The following ERCC1 variants were observed in gnomAD, a reference collection of about 807,000 sequenced individuals.
ERCC1 encodes the protein ERCC excision repair 1, endonuclease non-catalytic subunit.
In ERCC1, 36 loss-of-function variants were observed where a neutral mutation model predicts 37.6. The observed-to-expected ratio is 0.96, with a 90% CI of 0.73 to 1.26. ERCC1 has a LOEUF of 1.26. Ranked by LOEUF, ERCC1 falls within the 50% of genes most tolerant of loss-of-function variation. The probability of loss-of-function intolerance (pLI) is 0.00; values close to 1 mark genes in which losing one functional copy is unlikely to be tolerated. For missense variants in ERCC1, 349 were observed against 376.5 expected, an observed-to-expected ratio of 0.93 and a Z score of 0.60; for synonymous variants, 156 against 162.1, an observed-to-expected ratio of 0.96 and a Z score of 0.28.
At chr19:45,446,464 A>T (rs1966945996) in intron 1 of ERCC1, among the ~76,000 whole-genome samples, 1 of 152,200 alleles carries the variant, frequency 6.6e-6, no homozygotes, top group Non-Finnish European at 1.5e-5. Flanking sequence ...CATAAAAGTT[A>T]ACATCCCTAT....
intron 1 of ERCC1, chr19:45,429,024 T>A (rs993008832): frequency 1.3e-5 from 2 of 152,238 alleles, no homozygotes; most frequent in South Asian, 4.1e-4. Context: ...TAGCCCCTAC[T>A]CCGCGTCCTC....
intron 1 of ERCC1, 199 bp from the exon 2 acceptor site, chr19:45,423,580 T>G: frequency 1.4e-6 from 2 of 1,414,176 alleles, no homozygotes; most frequent in South Asian, 3.0e-5. Context: ...CCCTTACAGG[T>G]CCACAAGTCC....
At chr19:45,433,520 C>T (rs1974889308) in intron 1 of ERCC1, among the ~76,000 whole-genome samples, 1 of 147,918 alleles carries the variant, frequency 6.8e-6, no homozygotes, top group African/African-American at 2.6e-5. Context: ...AGTGAGAGTC[C>T]ATCTCAAAAA....
chr19:45,446,386 A>T (rs1439273571), intron 1 of ERCC1, among the ~76,000 whole-genome samples: 1 of 152,336 alleles, frequency 6.6e-6, no homozygotes, highest in African/African-American at 2.4e-5. Flanking sequence ...GCTGACAAGC[A>T]CATTCATAGC....
In ERCC1 at chr19:45,414,870, G is replaced by C. The variant is rs121913028; in HGVS notation, c.693C>G (p.Phe231Leu). The change falls in exon 7 of 10, where the codon TTC becomes TTG. Residue 231 changes from phenylalanine (F) to leucine (L), a missense_variant. Transcript: ENST00000300853. ...GGTGAGGTGGCCTCACCCGGGAGAC[G>C]AAGTCCTGCTCTAGCTTCTCCATCA... ...DLLMEKLEQD[F>L]VSRVTECLTT... 1.6e-5 allele frequency: 26 copies of C among 1,612,822 alleles called. No homozygotes were observed. The highest frequency in any genetic ancestry group is 2.0e-5 in the Non-Finnish European group (23 of 1,179,070).
upstream of ERCC1, among the ~76,000 whole-genome samples, chr19:45,425,590 G>A (rs1050409240): frequency 3.3e-5 from 5 of 151,624 alleles, no homozygotes; most frequent in Admixed American, 6.6e-5. Flanking sequence ...TGCTGGTCTC[G>A]AACTCTTGAC....
intron 5 of ERCC1, 64 bp from the exon 6 acceptor site, chr19:45,416,961 G>A: frequency 8.2e-7 from 1 of 1,214,782 alleles, no homozygotes; most frequent in Non-Finnish European, 1.2e-6. Flanking sequence ...GCCAGGCGTG[G>A]TGGCAGGTGC....
intron 1 of ERCC1, among the ~76,000 whole-genome samples, chr19:45,439,880 C>T (rs1599862185): frequency 6.6e-6 from 1 of 151,974 alleles, no homozygotes; most frequent in East Asian, 1.9e-4. Context: ...GGGGCGCGCA[C>T]GGCCTCGGGA....
intron 1 of ERCC1, among the ~76,000 whole-genome samples, chr19:45,451,165 C>T (rs542343930): frequency 6.6e-6 from 1 of 152,240 alleles, no homozygotes; most frequent in South Asian, 2.1e-4. Flanking sequence ...CTCCTGTCTG[C>T]CCCGGGACCG....
At position 45,409,852 on chromosome 19, in the gene ERCC1, A is replaced by G. The variant is rs1273569493; in HGVS notation, c.844-127T>C. 1.1e-5 allele frequency: 7 copies of G among 638,402 alleles called. No individual in the cohort carries two copies. The African/African-American group carries it at 1.3e-4, about 12-fold the overall frequency. The allele number at this position is 638,402 out of a possible 1,614,324, so 39.5% of individuals were successfully genotyped here. A position where few individuals can be genotyped will look rare whatever the true frequency, so the allele number is the denominator to read the frequency against. ...TCAAGCATTTATCCATTGAGTTACA[A>G]ACAATCCAGTTACAATCTTTTTAAG... On this transcript the variant is annotated intron_variant, in intron 9 of 9. Coordinates refer to ENST00000300853, the MANE Select transcript of ERCC1 (RefSeq NM_001983.4).
intron 1 of ERCC1, among the ~76,000 whole-genome samples, chr19:45,447,270 CTTT>C (rs57063523): frequency 6.8e-5 from 7 of 102,724 alleles, no homozygotes; most frequent in Admixed American, 2.1e-4. Context: ...AGATTTGCTT[CTTT>C]TTTTTTTTTT....
chr19:45,439,901 C>G (rs999300900), intron 1 of ERCC1, among the ~76,000 whole-genome samples: 1 of 152,118 alleles, frequency 6.6e-6, no homozygotes. Context: ...ACCCGCGCGG[C>G]GCCGCGTCCA....
intron 1 of ERCC1, chr19:45,449,391 A>G (rs969711006): frequency 6.6e-6 from 1 of 152,302 alleles, no homozygotes; most frequent in African/African-American, 2.4e-5. Context: ...GCTGTGGCTC[A>G]CGCCTGCAAC....
At chr19:45,418,704 T>A (rs1468190044) in intron 5 of ERCC1, among the ~76,000 whole-genome samples, 2 of 151,426 alleles carry the variant, frequency 1.3e-5, no homozygotes, top group African/African-American at 4.9e-5. Context: ...ATGCCTATAA[T>A]CCCAGCTACT....
At chr19:45,450,462 G>C (rs1404103217) in intron 1 of ERCC1, among the ~76,000 whole-genome samples, 1 of 152,074 alleles carries the variant, frequency 6.6e-6, no homozygotes, top group Non-Finnish European at 1.5e-5. Context: ...AAATGCTCCT[G>C]CTCCTTTAAG....
intron 2 of ERCC1, 140 bp from the exon 3 acceptor site, chr19:45,421,533 T>A (rs932939504): frequency 1.6e-6 from 1 of 623,650 alleles, no homozygotes; most frequent in Non-Finnish European, 2.7e-6. Flanking sequence ...GTAGTGGCAC[T>A]ATCTTGGCTC....
chr19:45,447,210 T>C (rs1052381484), intron 1 of ERCC1, among the ~76,000 whole-genome samples: 3 of 151,446 alleles, frequency 2.0e-5, no homozygotes, highest in African/African-American at 7.3e-5. Flanking sequence ...CACACGGAAA[T>C]GTGGCCTTCT....
At position 45,418,220 on chromosome 19, in the gene ERCC1, G is replaced by A. The variant is rs1974177544; in HGVS notation, c.525+878C>T. Among the ~76,000 whole-genome samples, 4 of 152,118 alleles carry A rather than the reference G, an allele frequency of 2.6e-5. No individual in the cohort carries two copies. The South Asian group carries it at 6.2e-4, about 24-fold the overall frequency. On this transcript the variant is annotated intron_variant, in intron 5 of 9. Transcript: ENST00000300853. ...AAAAATTAGCCGGTCATGGTGGTAC[G>A]CACCTGTAATCCCAGCTATTCAGGA...
chr19:45,443,120 C>T (rs559714746), intron 1 of ERCC1, among the ~76,000 whole-genome samples: 1 of 152,238 alleles, frequency 6.6e-6, no homozygotes, highest in South Asian at 2.1e-4. Flanking sequence ...GTGTGGTGCC[C>T]TCTGCACTAG....
Sources: gnomAD v4.1 joint callset for allele counts (sites outside exome capture counted in the v4.1 genomes callset) on GRCh38, gnomAD v4.1.1 for gene constraint, MANE v1.5 for transcripts, NCBI Gene and HGNC (gene_info 2026-07-23, HGNC 2026-07-21) for gene names.